Variants in DBI observed in about 807,000 individuals in gnomAD.
DBI encodes the protein acyl-CoA-binding protein.
In DBI, 12 loss-of-function variants were observed where a neutral mutation model predicts 13.0. That is an observed-to-expected ratio of 0.92 (90% CI 0.59 to 1.49). DBI has a LOEUF of 1.49. Ranked by LOEUF, DBI falls within the 40% of genes most tolerant of loss-of-function variation. The pLI, the probability that DBI is intolerant of heterozygous loss-of-function variation, is 0.00. For synonymous variants in DBI, 37 were observed against 37.4 expected, an observed-to-expected ratio of 0.99 and a Z score of 0.04; for missense variants, 95 against 104.8, an observed-to-expected ratio of 0.91 and a Z score of 0.41.
At chr2:119,368,078 C>A in intron 1 of DBI, 110 bp from the exon 2 acceptor site, 4 of 1,488,038 alleles carry the variant, frequency 2.7e-6, no homozygotes, top group African/African-American at 2.8e-5. Context: ...AGGGTGCCAC[C>A]TTTCCCACCT....
At chr2:119,368,399 C>G in intron 2 of DBI, 94 bp downstream of exon 2, 2 of 874,208 alleles carry the variant, frequency 2.3e-6, no homozygotes, top group South Asian at 2.8e-5. Context: ...CTCAAACTGC[C>G]TGAGGCCCTA....
rs1681600890 is a variant in DBI at position 119,372,532 on chromosome 2, T to G, written c.*214T>G. Reference sequence around the variant, plus strand: ...ATCTGAAATCAATTAAAAGTGTATTTGTTACTTTAAATAACTTTAGTGATC... The same window carrying G: ...ATCTGAAATCAATTAAAAGTGTATTGGTTACTTTAAATAACTTTAGTGATC... On this transcript the variant is annotated 3_prime_UTR_variant, in exon 4 of 4. Coordinates refer to ENST00000355857, the MANE Select transcript of DBI (RefSeq NM_001079862.4). 3 of 463,206 alleles carry G rather than the reference T, an allele frequency of 6.5e-6. No individual in the cohort carries two copies. Among genetic ancestry groups the G allele is most frequent in the Non-Finnish European group, 1.2e-5 (3 of 252,346 alleles). 28.7% of individuals were successfully genotyped at this position (463,206 alleles called of 1,614,324 possible).
chr2:119,370,936 A>G (rs1388719423), intron 3 of DBI, 134 bp downstream of exon 3: 2 of 742,210 alleles, frequency 2.7e-6, no homozygotes, highest in Non-Finnish European at 4.3e-6. Context: ...CCTGTGCCAG[A>G]ATGGGAAAAA....
intron 3 of DBI, 67 bp downstream of exon 3, chr2:119,370,869 G>A: frequency 1.4e-6 from 2 of 1,435,730 alleles, no homozygotes; most frequent in Non-Finnish European, 1.9e-6. Context: ...ATTATGAAGT[G>A]TAAGGGAAGA....
chr2:119,368,021 G>C, intron 1 of DBI, 167 bp from the exon 2 acceptor site: 2 of 1,579,418 alleles, frequency 1.3e-6, no homozygotes, highest in Non-Finnish European at 8.7e-7. Context: ...TAGCTGCCCT[G>C]TTGGGGCAGG....
chr2:119,369,052 G>A (rs909545994), intron 2 of DBI, among the ~76,000 whole-genome samples: 4 of 152,214 alleles, frequency 2.6e-5, no homozygotes, highest in Non-Finnish European at 5.9e-5. Flanking sequence ...AGATGGAGCA[G>A]GTGGGCTGGC....
chr2:119,367,901 T>C, intron 1 of DBI: 1 of 1,614,244 alleles, frequency 6.2e-7, no homozygotes, highest in Non-Finnish European at 8.5e-7. Context: ...CCCTCTTCAC[T>C]GCTGTATTTC....
chr2:119,369,786 TA>T (rs909390009), intron 2 of DBI, among the ~76,000 whole-genome samples: 20 of 148,196 alleles, frequency 1.3e-4, no homozygotes, highest in South Asian at 6.4e-4. Context: ...ACTCTGTCTC[TA>T]AAAAAAAAAA....
chr2:119,368,270 A>G lies in DBI; in HGVS notation c.92A>G (p.His31Arg). The G allele has an allele frequency of 6.2e-7, 1 of 1,614,158 alleles. No homozygotes were observed. Among genetic ancestry groups the G allele is most frequent in the Non-Finnish European group, 8.5e-7 (1 of 1,180,006 alleles). ...SDEEMLFIYG[H>R]YKQATVGDIN... ...GAGGAGATGCTGTTCATCTATGGCC[A>G]CTACAAACAAGCAACTGTGGGCGAC... The change falls in exon 2 of 4, where the codon CAC becomes CGC. Residue 31 changes from histidine (H) to arginine (R), a missense_variant. His to Arg is a conservative substitution (Grantham distance 29, BLOSUM62 0). Transcript: ENST00000355857.
chr2:119,370,541 A>C (rs576160550), intron 2 of DBI, 199 bp from the exon 3 acceptor site: 1 of 414,066 alleles, frequency 2.4e-6, no homozygotes, highest in Non-Finnish European at 4.3e-6. Context: ...TGTTCTTCCT[A>C]TTTGCTCTAG....
At chr2:119,371,131 C>T (rs1295701619) in intron 3 of DBI, among the ~76,000 whole-genome samples, 2 of 152,276 alleles carry the variant, frequency 1.3e-5, no homozygotes, top group East Asian at 1.9e-4. Context: ...CTGTCTGCAA[C>T]TCCCTCTCCC....
At chr2:119,370,571 A>G in intron 2 of DBI, 169 bp from the exon 3 acceptor site, 1 of 475,724 alleles carries the variant, frequency 2.1e-6, no homozygotes, top group Non-Finnish European at 3.7e-6. Context: ...TTGGATTGGC[A>G]TACATTGGTT....
chr2:119,368,256 G>T lies in DBI; in HGVS notation c.78G>T (p.Leu26=). ...LKTKPSDEEM[L]FIYGHYKQAT... is the part of the protein sequence containing the mutation. The stretch of plus-strand genomic sequence containing the variant: ...CCAAGCCATCGGATGAGGAGATGCT[G>T]TTCATCTATGGCCACTACAAACAAG... Residue 26 remains leucine, a synonymous_variant, in exon 2 of 4, where the codon CTG becomes CTT. Coordinates refer to ENST00000355857, the MANE Select transcript of DBI (RefSeq NM_001079862.4). The T allele has an allele frequency of 6.2e-7, 1 of 1,614,112 alleles. No homozygotes were observed. The highest frequency in any genetic ancestry group is 1.1e-5 in the South Asian group (1 of 91,080).
At position 119,367,220 on chromosome 2, in the gene DBI, C is replaced by T. The variant is rs942713539; in HGVS notation, c.9+160C>T. ...GATTCGTTGGACAGAGCCTTGTGAG[C>T]GGGATTTTCCGTTTGGGGATTTCTA... is the stretch of plus-strand genomic sequence containing the variant. On this transcript the variant is annotated intron_variant, in intron 1 of 3. Transcript: ENST00000355857. The T allele has an allele frequency of 2.1e-6, 3 of 1,443,650 alleles. No homozygotes were observed. The Admixed American group carries it at 8.5e-5, about 41-fold the overall frequency. 89.4% of individuals were successfully genotyped at this position (1,443,650 alleles called of 1,614,324 possible).
chr2:119,368,397 G>A (rs3091407), intron 2 of DBI, 92 bp downstream of exon 2: 5 of 898,172 alleles, frequency 5.6e-6, no homozygotes, highest in Non-Finnish European at 9.3e-6. Flanking sequence ...CTCTCAAACT[G>A]CCTGAGGCCC....
In DBI at chr2:119,372,406, C is replaced by T. The variant is rs748925509; in HGVS notation, c.*88C>T. 3.0e-4 allele frequency: 314 copies of T among 1,057,290 alleles called. No individual in the cohort carries two copies. In the Middle Eastern group the frequency reaches 5.4e-3, roughly 18 times the overall value. 65.5% of individuals were successfully genotyped at this position (1,057,290 alleles called of 1,614,324 possible). The stretch of plus-strand genomic sequence containing the variant: ...TCTAATACCGTGGATGGTGGGAATT[C>T]GGGAAAATAACCAGTTAAACCAGCT... On this transcript the variant is annotated 3_prime_UTR_variant, in exon 4 of 4. Transcript: ENST00000355857.
At chr2:119,370,956 C>T (rs1016739377) in intron 3 of DBI, among the ~76,000 whole-genome samples, 154 bp downstream of exon 3, 2 of 152,196 alleles carry the variant, frequency 1.3e-5, no homozygotes, top group African/African-American at 4.8e-5. Flanking sequence ...AACCGGGCCA[C>T]CTACTTTTTC....
At chr2:119,370,883 G>A (rs3091408) in intron 3 of DBI, 81 bp downstream of exon 3, 37,269 of 1,371,552 alleles carry the variant, frequency 0.027, 683 homozygotes, top group South Asian at 0.062. Flanking sequence ...GGGAAGAGGA[G>A]AGAAAACAAA....
At chr2:119,367,585 A>C (rs753692785) in intron 1 of DBI, 1 of 1,613,942 alleles carries the variant, frequency 6.2e-7, no homozygotes, top group South Asian at 1.1e-5. Context: ...AGACCGAGCT[A>C]TGTGGGGCGA....
Sources: gnomAD v4.1 joint callset for allele counts (sites outside exome capture counted in the v4.1 genomes callset) on GRCh38, gnomAD v4.1.1 for gene constraint, MANE v1.5 for transcripts, NCBI Gene and HGNC (gene_info 2026-07-23, HGNC 2026-07-21) for gene names.